The following FAR2 variants were observed in gnomAD, a reference collection of about 807,000 sequenced individuals.
FAR2 encodes epididymis secretory protein Li 81.
FAR2 carries 19 observed loss-of-function variants against 56.0 expected under a neutral mutation model. The ratio of observed to expected loss-of-function variants is 0.34; its 90% confidence interval spans 0.24 to 0.50. The LOEUF is 0.50. Among genes scored for constraint, FAR2 ranks in the 20% least tolerant of loss-of-function variants. The pLI is 0.98. For missense variants in FAR2, 508 were observed against 642.2 expected (o/e 0.79, Z 2.26); for synonymous variants, 219 against 218.8 (o/e 1.00, Z -0.01).
intron 1 of FAR2, among the ~76,000 whole-genome samples, chr12:29,224,106 T>C (rs569237461): frequency 1.6e-4 from 25 of 152,336 alleles, no homozygotes; most frequent in African/African-American, 5.3e-4. Context: ...CTGGTCTACA[T>C]TGGTTAAAAA....
At chr12:29,330,644 T>C (rs931560370) in intron 10 of FAR2, among the ~76,000 whole-genome samples, 2 of 152,190 alleles carry the variant, frequency 1.3e-5, no homozygotes, top group African/African-American at 4.8e-5. Flanking sequence ...TTACATTCTT[T>C]AGAAGTGTAA....
In FAR2 at chr12:29,307,841, C is replaced by T. The variant is rs967465285; in HGVS notation, c.723+6C>T. The T allele has an allele frequency of 6.2e-7, 1 of 1,606,604 alleles. No individual in the cohort carries two copies. The highest frequency in any genetic ancestry group is 8.5e-7 in the Non-Finnish European group (1 of 1,178,120). ...CTTGGCAGGAGCCTTTCCCAGTAAGCCCACTTACCTGGATTCTGTGTTTTG... is the reference window on the plus strand; with the variant it reads ...CTTGGCAGGAGCCTTTCCCAGTAAGTCCACTTACCTGGATTCTGTGTTTTG... On this transcript the variant is annotated splice_donor_region_variant and intron_variant, in intron 5 of 11. Transcript: ENST00000536681.
chr12:29,270,739 C>A, intron 2 of FAR2, 101 bp downstream of exon 2: 1 of 1,005,726 alleles, frequency 9.9e-7, no homozygotes, highest in Non-Finnish European at 1.4e-6. Context: ...GGGGACCAGG[C>A]TACCTGCACA....
At chr12:29,170,674 T>G (rs1949876683) in intron 1 of FAR2, among the ~76,000 whole-genome samples, 1 of 152,138 alleles carries the variant, frequency 6.6e-6, no homozygotes, top group Admixed American at 6.5e-5. Context: ...CCTCTTTTTC[T>G]CTGTCTCTTC....
chr12:29,248,492 T>C (rs1482315117), intron 1 of FAR2, among the ~76,000 whole-genome samples: 2 of 152,182 alleles, frequency 1.3e-5, no homozygotes, highest in African/African-American at 4.8e-5. Flanking sequence ...AGACATCAAG[T>C]ACTTTACAAG....
At chr12:29,296,185 G>A (rs1238518098) in intron 3 of FAR2, among the ~76,000 whole-genome samples, 2 of 132,160 alleles carry the variant, frequency 1.5e-5, no homozygotes, top group African/African-American at 4.9e-5. Flanking sequence ...TAATTTTTGT[G>A]GCTGTCTTTT....
intron 8 of FAR2, among the ~76,000 whole-genome samples, chr12:29,315,333 G>T (rs1463874087): frequency 1.3e-5 from 2 of 152,166 alleles, no homozygotes; most frequent in Non-Finnish European, 2.9e-5. Flanking sequence ...TGAGGGGGAG[G>T]ATGGTAGGAG....
At chr12:29,268,309 G>A (rs1948553300) in intron 1 of FAR2, among the ~76,000 whole-genome samples, 1 of 152,182 alleles carries the variant, frequency 6.6e-6, no homozygotes, top group Non-Finnish European at 1.5e-5. Flanking sequence ...TGAGTGGACA[G>A]AAAGGAAGAT....
At chr12:29,200,405 TG>T (rs1236086307) in intron 1 of FAR2, among the ~76,000 whole-genome samples, 41 of 152,010 alleles carry the variant, frequency 2.7e-4, no homozygotes, top group African/African-American at 9.6e-4. Context: ...GCCGAAAGAG[TG>T]GCACGGCTGT....
intron 1 of FAR2, among the ~76,000 whole-genome samples, chr12:29,258,129 A>C (rs1299296386): frequency 3.3e-5 from 5 of 151,602 alleles, no homozygotes; most frequent in Admixed American, 1.3e-4. Flanking sequence ...GGATCACCTG[A>C]GGTCAGGAAT....
intron 1 of FAR2, among the ~76,000 whole-genome samples, chr12:29,262,561 C>T (rs144306485): frequency 0.035 from 5,397 of 152,182 alleles, 312 homozygotes; most frequent in African/African-American, 0.12. Context: ...ACCCGGGAAG[C>T]AGAGGTTGTG....
At chr12:29,192,715 A>C (rs112623914) in intron 1 of FAR2, among the ~76,000 whole-genome samples, 2 of 152,232 alleles carry the variant, frequency 1.3e-5, no homozygotes, top group Non-Finnish European at 2.9e-5. Context: ...TCAACATTCC[A>C]TAAAACATTG....
rs943171619 is a variant in FAR2 at position 29,334,812 on chromosome 12, G to A, written c.*1018G>A. ...ATCTTGGTCATTCCAATTGCACAATGTTAACTGTACAACACACAGCAGAAA... is the reference window on the plus strand; with the variant it reads ...ATCTTGGTCATTCCAATTGCACAATATTAACTGTACAACACACAGCAGAAA... On this transcript the variant is annotated 3_prime_UTR_variant, in exon 12 of 12. Transcript: ENST00000536681. 5.9e-5 allele frequency: 9 copies of A among 152,166 alleles called. No homozygotes were observed. The highest frequency in any genetic ancestry group is 1.0e-4 in the Non-Finnish European group (7 of 68,004). The allele number at this position is 152,166 out of a possible 1,614,324, so 9.4% of individuals were successfully genotyped here.
chr12:29,269,533 T>C (rs148447371), intron 1 of FAR2, among the ~76,000 whole-genome samples: 2 of 152,254 alleles, frequency 1.3e-5, no homozygotes, highest in East Asian at 3.9e-4. Flanking sequence ...GATTAAGAGA[T>C]TAAAGTAAAG....
intron 3 of FAR2, among the ~76,000 whole-genome samples, chr12:29,294,719 A>G (rs1949028753): frequency 1.3e-5 from 2 of 152,174 alleles, no homozygotes; most frequent in African/African-American, 4.8e-5. Context: ...CAAGTCAATT[A>G]TTTATGCAGT....
chr12:29,294,538 C>A (rs1027447277), intron 3 of FAR2, among the ~76,000 whole-genome samples: 1 of 152,056 alleles, frequency 6.6e-6, no homozygotes, highest in African/African-American at 2.4e-5. Context: ...TTAGTAGAGA[C>A]GGAGTTTCAT....
intron 1 of FAR2, among the ~76,000 whole-genome samples, chr12:29,159,380 T>C (rs552864408): frequency 4.0e-5 from 6 of 151,628 alleles, no homozygotes; most frequent in African/African-American, 1.5e-4. Context: ...CTACGAAAAA[T>C]ACAAAAAATT....
At chr12:29,157,106 T>TCATA (rs1555176819) in intron 1 of FAR2, 1 of 73,458 alleles carries the variant, frequency 1.4e-5, no homozygotes, top group African/African-American at 5.3e-5. Context: ...AAAGAACATT[T>TCATA]TATATATATA....
intron 1 of FAR2, among the ~76,000 whole-genome samples, chr12:29,166,451 G>C (rs1346158699): frequency 6.6e-6 from 1 of 152,136 alleles, no homozygotes; most frequent in African/African-American, 2.4e-5. Flanking sequence ...TCTGCTTTCT[G>C]ACCAAAAGGA....
Sources: gnomAD v4.1 joint callset for allele counts (sites outside exome capture counted in the v4.1 genomes callset) on GRCh38, gnomAD v4.1.1 for gene constraint, MANE v1.5 for transcripts, NCBI Gene and HGNC (gene_info 2026-07-23, HGNC 2026-07-21) for gene names.